GALNT13: variants seen among roughly 807,000 people sequenced by gnomAD.
The protein encoded by GALNT13 is UDP-GalNAc:polypeptide N-acetylgalactosaminyltransferase 13.
A neutral mutation model predicts 64.2 loss-of-function variants in GALNT13; 28 were observed. That is an observed-to-expected ratio of 0.44 (90% CI 0.32 to 0.60). The LOEUF is 0.60. GALNT13 is among the 20% of genes least tolerant of loss of function. The pLI is 0.05. For missense variants in GALNT13, 577 were observed against 669.8 expected (o/e 0.86, Z 1.53); for synonymous variants, 214 against 224.6 (o/e 0.95, Z 0.42).
chr2:153,478,258 G>T, the GALNT13 span: 1 of 1,613,250 alleles, frequency 6.2e-7, no homozygotes, highest in Non-Finnish European at 8.5e-7. Context: ...CACGACCACC[G>T]CCTCCACCTC....
the GALNT13 span, among the ~76,000 whole-genome samples, chr2:153,754,024 A>G: frequency 1.3e-5 from 2 of 152,194 alleles, no homozygotes; most frequent in Admixed American, 6.5e-5. Context: ...ACTACCATCA[A>G]TGTTTCCTTC....
chr2:153,944,354 G>A (rs543692781), intron 2 of GALNT13, 40 bp from the exon 3 acceptor site: 24 of 639,974 alleles, frequency 3.8e-5, no homozygotes, highest in Non-Finnish European at 5.1e-5. Flanking sequence ...AAAAATCTAT[G>A]TGTACAATTA....
At chr2:153,416,732 A>G in the GALNT13 span, among the ~76,000 whole-genome samples, 10 of 152,200 alleles carry the variant, frequency 6.6e-5, no homozygotes, top group Admixed American at 3.9e-4. Flanking sequence ...ATTACATACT[A>G]TGTGCCAGAT....
intron 4 of GALNT13, among the ~76,000 whole-genome samples, chr2:154,190,122 G>T (rs1260614163): frequency 1.3e-5 from 2 of 152,158 alleles, no homozygotes; most frequent in South Asian, 2.1e-4. Flanking sequence ...TTGCAGCAGG[G>T]TCCATGATGT....
intron 2 of GALNT13, 46 bp from the exon 3 acceptor site, chr2:153,944,348 A>C (rs1691557802): frequency 1.6e-6 from 1 of 615,082 alleles, no homozygotes; most frequent in Admixed American, 3.0e-5. Flanking sequence ...TTATCCAAAA[A>C]TCTATGTGTA....
At chr2:154,398,517 A>G (rs1204739764) in intron 10 of GALNT13, among the ~76,000 whole-genome samples, 1 of 152,232 alleles carries the variant, frequency 6.6e-6, no homozygotes, top group Non-Finnish European at 1.5e-5. Context: ...TATCTTCTAA[A>G]TGGATCAGGT....
At chr2:154,002,344 A>C (rs1596637) in intron 3 of GALNT13, among the ~76,000 whole-genome samples, 59,142 of 149,822 alleles carry the variant, frequency 0.39, 14,576 homozygotes, top group Non-Finnish European at 0.55. Flanking sequence ...GGCCTTTTTC[A>C]CTCTTTCTTG....
At chr2:153,805,432 T>A in the GALNT13 span, among the ~76,000 whole-genome samples, 2 of 152,192 alleles carry the variant, frequency 1.3e-5, no homozygotes, top group East Asian at 1.9e-4. Flanking sequence ...ACAGACAAAC[T>A]TTTTGTGACA....
the GALNT13 span, among the ~76,000 whole-genome samples, chr2:153,225,794 A>C: frequency 1.3e-5 from 2 of 152,234 alleles, no homozygotes; most frequent in Non-Finnish European, 2.9e-5. Flanking sequence ...AGTGTGGAAA[A>C]TTCTAAAACA....
chr2:153,565,488 A>G, the GALNT13 span, among the ~76,000 whole-genome samples: 1 of 152,118 alleles, frequency 6.6e-6, no homozygotes, highest in Non-Finnish European at 1.5e-5. Flanking sequence ...GCGTGTGTGT[A>G]TGTTTGTGTT....
At chr2:153,232,657 C>G in the GALNT13 span, among the ~76,000 whole-genome samples, 1 of 152,196 alleles carries the variant, frequency 6.6e-6, no homozygotes, top group African/African-American at 2.4e-5. Flanking sequence ...GGAGAAAGGC[C>G]TGAAGGTAGT....
At chr2:153,541,661 G>T in the GALNT13 span, among the ~76,000 whole-genome samples, 2 of 152,178 alleles carry the variant, frequency 1.3e-5, no homozygotes, top group African/African-American at 4.8e-5. Context: ...ATTCCAGAGG[G>T]TGTCCTGGCT....
chr2:154,220,553 C>G (rs890636657), intron 4 of GALNT13, among the ~76,000 whole-genome samples: 2 of 151,932 alleles, frequency 1.3e-5, no homozygotes, highest in African/African-American at 4.8e-5. Flanking sequence ...TATGCATACA[C>G]ACATATTTCT....
At chr2:153,353,063 A>T in the GALNT13 span, among the ~76,000 whole-genome samples, 1 of 152,036 alleles carries the variant, frequency 6.6e-6, no homozygotes, top group South Asian at 2.1e-4. Context: ...TCTTGACATT[A>T]TTGAGTCTTT....
At chr2:153,477,935 T>A in the GALNT13 span, 3 of 415,278 alleles carry the variant, frequency 7.2e-6, no homozygotes, top group South Asian at 1.0e-4. Context: ...AGAAGGGCCT[T>A]CGCACCGTCG....
At chr2:153,243,101 C>T in the GALNT13 span, among the ~76,000 whole-genome samples, 1 of 152,120 alleles carries the variant, frequency 6.6e-6, no homozygotes, top group Non-Finnish European at 1.5e-5. Flanking sequence ...GAGAAGCATG[C>T]TCTTGGTCAC....
At chr2:153,781,968 C>A in the GALNT13 span, among the ~76,000 whole-genome samples, 1 of 152,102 alleles carries the variant, frequency 6.6e-6, no homozygotes, top group Non-Finnish European at 1.5e-5. Flanking sequence ...ATGTTGTGAC[C>A]TGCGTGGACA....
At chr2:153,078,502 G>A in the GALNT13 span, among the ~76,000 whole-genome samples, 32,300 of 151,680 alleles carry the variant, frequency 0.21, 3,834 homozygotes, top group Non-Finnish European at 0.28. Context: ...AGTAGAGAAG[G>A]AGTTTCACCA....
At chr2:153,720,359 G>GA in the GALNT13 span, among the ~76,000 whole-genome samples, 3 of 150,362 alleles carry the variant, frequency 2.0e-5, no homozygotes, top group Non-Finnish European at 4.5e-5. Flanking sequence ...CAAAGATGGG[G>GA]AAAAAACAGA....
Sources: allele counts gnomAD v4.1 joint callset (sites outside exome capture counted in the v4.1 genomes callset), GRCh38; gene constraint gnomAD v4.1.1; transcripts MANE v1.5; gene names NCBI Gene and HGNC (gene_info 2026-07-23, HGNC 2026-07-21).